CSMD3: variants seen among roughly 807,000 people sequenced by gnomAD.
CSMD3 encodes CUB and Sushi multiple domains 3.
In CSMD3, 177 loss-of-function variants were observed where a neutral mutation model predicts 435.2. That is an observed-to-expected ratio of 0.41 (90% CI 0.36 to 0.46). CSMD3 has a LOEUF of 0.46. Ranked by LOEUF, CSMD3 falls within the 20% of genes least tolerant of loss-of-function variation. CSMD3 has a pLI of 0.34. For missense variants in CSMD3, 4,265 were observed against 4,504.6 expected (o/e 0.95, Z 1.52); for synonymous variants, 1,656 against 1,520.5 (o/e 1.09, Z -2.07).
chr8:112,408,438 A>T (rs371780256), intron 33 of CSMD3, 25 bp from the exon 34 acceptor site: 3 of 1,335,684 alleles, frequency 2.2e-6, no homozygotes, highest in Non-Finnish European at 3.2e-6. Context: ...AAACACTAAG[A>T]TATCATAAAT....
chr8:113,055,730 T>C (rs886959638), intron 5 of CSMD3, among the ~76,000 whole-genome samples: 4 of 152,130 alleles, frequency 2.6e-5, no homozygotes, highest in African/African-American at 2.4e-5. Context: ...TAAAGGAAGA[T>C]TGGTTGATTT....
Position 112,408,954 on chromosome 8 carries a change from G to A in CSMD3, c.5474C>T (p.Ser1825Phe). Residue 1825 changes from serine to phenylalanine, a missense_variant, in exon 33 of 71, where the codon TCT becomes TTT. Transcript: ENST00000297405. ...VEVYDGPTQQ[S>F]SLLSSLSGSH... ...TCCTGAGAGGGAAGATAACAGAGAA[G>A]ATTGCTGAGTTGGCCCATCATACAC... 1 of 1,613,602 alleles carries A rather than the reference G, an allele frequency of 6.2e-7. No homozygotes were observed. Among genetic ancestry groups the A allele is most frequent in the African/African-American group, 1.3e-5 (1 of 74,984 alleles).
chr8:112,930,077 T>G (rs916254727), intron 9 of CSMD3, among the ~76,000 whole-genome samples: 4 of 152,148 alleles, frequency 2.6e-5, no homozygotes, highest in African/African-American at 9.6e-5. Context: ...AATGAAATAA[T>G]TTAATGCTAT....
intron 19 of CSMD3, among the ~76,000 whole-genome samples, chr8:112,646,971 G>A (rs1416537675): frequency 1.3e-5 from 2 of 151,886 alleles, no homozygotes; most frequent in African/African-American, 2.4e-5. Flanking sequence ...AAACGTAGCT[G>A]GCACTATTCT....
At chr8:113,112,299 C>G (rs2090666831) in intron 4 of CSMD3, among the ~76,000 whole-genome samples, 2 of 148,362 alleles carry the variant, frequency 1.3e-5, no homozygotes, top group South Asian at 4.3e-4. Flanking sequence ...ACAAATTACC[C>G]TAGGATAAGA....
At chr8:112,680,728 G>A (rs928189872) in intron 16 of CSMD3, among the ~76,000 whole-genome samples, 6 of 152,028 alleles carry the variant, frequency 3.9e-5, no homozygotes, top group Non-Finnish European at 8.8e-5. Context: ...GGGCCACTAG[G>A]AAAACATAAT....
intron 32 of CSMD3, among the ~76,000 whole-genome samples, chr8:112,410,636 A>ATG (rs1563913166): frequency 2.0e-5 from 2 of 99,964 alleles, no homozygotes; most frequent in African/African-American, 6.8e-5. Flanking sequence ...GTGTATATAT[A>ATG]TGTATATATA....
chr8:113,098,784 T>C lies in CSMD3; in HGVS notation c.889A>G (p.Ile297Val), dbSNP rs1422595891. The C allele has an allele frequency of 1.2e-6, 2 of 1,612,098 alleles. No homozygotes were observed. Residue 297 changes from isoleucine (I) to valine (V), a missense_variant, in exon 5 of 71, where the codon ATA (isoleucine) becomes GTA (valine). Transcript: ENST00000297405. ...QMEEKYDYLE[I>V]EGSEPPTIWL... The stretch of plus-strand genomic sequence containing the variant: ...ATGGTAGGTGGCTCAGAACCTTCTA[T>C]TTCTAAGTAATCATATTTCTCTTCC...
At position 112,921,032 on chromosome 8, in the gene CSMD3, C is replaced by T. The variant is rs910670851; in HGVS notation, c.1633+595G>A. Among the ~76,000 whole-genome samples, 39 of 137,800 alleles carry T rather than the reference C, an allele frequency of 2.8e-4. 1 individual carries two copies. The highest frequency in any genetic ancestry group is 5.3e-4 in the Non-Finnish European group (32 of 60,794). 90.4% of individuals were successfully genotyped at this position (137,800 alleles called of 152,430 possible). The stretch of plus-strand genomic sequence containing the variant: ...ACACACACACACACACACACACACA[C>T]ACATATATATACCTCCAGTAATTCC... On this transcript the variant is annotated intron_variant, in intron 10 of 70. Coordinates refer to ENST00000297405, the MANE Select transcript of CSMD3 (RefSeq NM_198123.2).
intron 3 of CSMD3, among the ~76,000 whole-genome samples, chr8:113,229,244 C>A (rs531700614): frequency 6.6e-6 from 1 of 151,496 alleles, no homozygotes; most frequent in South Asian, 2.1e-4. Flanking sequence ...GTGAAACTAT[C>A]CTTTAAGTGT....
chr8:112,956,434 T>C (rs1455198816), intron 7 of CSMD3, among the ~76,000 whole-genome samples: 1 of 152,134 alleles, frequency 6.6e-6, no homozygotes, highest in East Asian at 1.9e-4. Context: ...CTGCATTTTG[T>C]ATTTTCTGGC....
In CSMD3 at chr8:112,644,568, T is replaced by C. The variant is rs79638311; in HGVS notation, c.3310+541A>G. Among the ~76,000 whole-genome samples, 22 of 152,204 alleles carry C rather than the reference T, an allele frequency of 1.4e-4. No individual in the cohort carries two copies. In the East Asian group the frequency reaches 4.1e-3, roughly 28 times the overall value. On this transcript the variant is annotated intron_variant, in intron 20 of 70. Transcript: ENST00000297405. Reference sequence around the variant, plus strand: ...AGGACATTTATTAACATCTACCTTATGCAGAGTGCAATTTTACACTCTATG... The same window carrying C: ...AGGACATTTATTAACATCTACCTTACGCAGAGTGCAATTTTACACTCTATG...
At chr8:112,583,272 A>G (rs1830468948) in intron 23 of CSMD3, among the ~76,000 whole-genome samples, 1 of 151,942 alleles carries the variant, frequency 6.6e-6, no homozygotes, top group Admixed American at 6.6e-5. Flanking sequence ...GAGAAAAATG[A>G]GGAGAGAGGA....
chr8:112,473,814 A>G lies in CSMD3; in HGVS notation c.5279-1107T>C, dbSNP rs906010276. 2.0e-5 allele frequency among the ~76,000 whole-genome samples: 3 copies of G among 149,580 alleles called. No individual in the cohort carries two copies. In the Admixed American group the frequency reaches 2.0e-4, roughly 10 times the overall value. ...GAGTTTCCTGATTGGTGAGCCCTGG[A>G]CAGGAACTTGTACCTTTTTTCAGAT... On this transcript the variant is annotated intron_variant, in intron 31 of 70. Transcript: ENST00000297405.
At chr8:113,110,299 ATT>A (rs763561582) in intron 4 of CSMD3, among the ~76,000 whole-genome samples, 37 of 151,886 alleles carry the variant, frequency 2.4e-4, no homozygotes, top group Non-Finnish European at 5.4e-4. Context: ...TCTTTCTATC[ATT>A]TCTTTCTTTT....
In CSMD3 at chr8:112,866,493, A is replaced by G. The variant is rs117249105; in HGVS notation, c.1634-7227T>C. The stretch of plus-strand genomic sequence containing the variant: ...CAGAGTAATGTTATTATTATTATTT[A>G]AACTGTTTGCTGACATATGTGACAT... On this transcript the variant is annotated intron_variant, in intron 10 of 70. Transcript: ENST00000297405. Among the ~76,000 whole-genome samples the G allele has an allele frequency of 2.2e-3, 342 of 152,260 alleles. 11 individuals carry two copies. In the East Asian group the frequency reaches 0.054, roughly 24 times the overall value.
intron 32 of CSMD3, among the ~76,000 whole-genome samples, chr8:112,431,378 G>C (rs1364068508): frequency 6.6e-6 from 1 of 151,956 alleles, no homozygotes; most frequent in Admixed American, 6.6e-5. Context: ...TAAAAAATAG[G>C]TGATAAAAAA....
Position 112,587,226 on chromosome 8 carries a change from C to T in CSMD3, c.3725G>A (p.Gly1242Asp), listed in dbSNP as rs773580059. Residue 1242 changes from glycine to aspartate, a missense_variant, in exon 23 of 71, where the codon GGT (glycine) becomes GAT (aspartate). Coordinates refer to ENST00000297405, the MANE Select transcript of CSMD3 (RefSeq NM_198123.2). ...TCCTTCATTATTCGTTGCAGATGCA[C>T]CACATTCAGCTGCAGGTAAAACAGA... ...APLPRCVAEC[G>D]ASATNNEGIL... 1.2e-6 allele frequency: 2 copies of T among 1,606,312 alleles called. No individual in the cohort carries two copies. Among genetic ancestry groups the T allele is most frequent in the Admixed American group, 3.3e-5 (2 of 59,826 alleles).
intron 60 of CSMD3, 127 bp downstream of exon 60, chr8:112,265,284 G>T: frequency 2.0e-6 from 1 of 489,528 alleles, no homozygotes; most frequent in Non-Finnish European, 3.5e-6. Context: ...GCCATTTTTA[G>T]TACTAGAAAA....
Sources: gnomAD v4.1 joint callset for allele counts (sites outside exome capture counted in the v4.1 genomes callset) on GRCh38, gnomAD v4.1.1 for gene constraint, MANE v1.5 for transcripts, NCBI Gene and HGNC (gene_info 2026-07-23, HGNC 2026-07-21) for gene names.